Variants in PA2G4 observed in about 807,000 individuals in gnomAD.
PA2G4 encodes the protein proliferation-associated 2G4.
In PA2G4, 8 loss-of-function variants were observed where a neutral mutation model predicts 53.3. That is an observed-to-expected ratio of 0.15 (90% CI 0.09 to 0.27). The LOEUF (loss-of-function observed/expected upper bound fraction) is 0.27, where lower values mean the gene tolerates loss of function less well. Ranked by LOEUF, PA2G4 falls within the 10% of genes least tolerant of loss-of-function variation. The pLI is 1.00. For synonymous variants in PA2G4, 143 were observed against 169.8 expected, an observed-to-expected ratio of 0.84 and a Z score of 1.23; for missense variants, 208 against 486.8, an observed-to-expected ratio of 0.43 and a Z score of 5.39.
chr12:56,109,994 TC>T, intron 7 of PA2G4, 59 bp downstream of exon 7: 1 of 1,168,764 alleles, frequency 8.6e-7, no homozygotes, highest in Non-Finnish European at 1.3e-6. Flanking sequence ...CAGGTTTTTT[TC>T]TATACTCCCA....
At chr12:56,105,635 T>C (rs888998035) in intron 1 of PA2G4, among the ~76,000 whole-genome samples, 2 of 152,240 alleles carry the variant, frequency 1.3e-5, no homozygotes, top group Admixed American at 1.3e-4. Flanking sequence ...CTTGTGAACA[T>C]TACTGGAAAA....
rs777876737 is a variant in PA2G4, at chr12:56,110,549, A to T, written c.709-10A>T. ...CACCAGACCAAATGTTACTTAAATT[A>T]CTCTTTCAGGCCAAGGATGCAGGAC... On this transcript the variant is annotated splice_polypyrimidine_tract_variant and intron_variant, in intron 8 of 12. Coordinates refer to ENST00000303305, the MANE Select transcript of PA2G4 (RefSeq NM_006191.3). 2 of 1,613,948 alleles carry T rather than the reference A, an allele frequency of 1.2e-6. No homozygotes were observed. Among genetic ancestry groups the T allele is most frequent in the East Asian group, 2.2e-5 (1 of 44,874 alleles).
chr12:56,107,476 A>G (rs937681786), intron 4 of PA2G4, 45 bp from the exon 5 acceptor site: 2 of 1,433,492 alleles, frequency 1.4e-6, no homozygotes, highest in Admixed American at 3.4e-5. Flanking sequence ...CAGCTGAGTT[A>G]ACAGACTTTC....
rs758771002 is a variant in PA2G4 at position 56,104,722 on chromosome 12, T to C, written c.-16T>C. 1.4e-5 allele frequency: 22 copies of C among 1,610,212 alleles called. No individual in the cohort carries two copies. The South Asian group carries it at 2.3e-4, about 17-fold the overall frequency. ...CGGCTCAGGGGAAACGAGGCTGCAG[T>C]GGTGGTAGTAGGAAGATGTCGGGCG... On this transcript the variant is annotated 5_prime_UTR_variant, in exon 1 of 13. Coordinates refer to ENST00000303305, the MANE Select transcript of PA2G4 (RefSeq NM_006191.3).
Position 56,106,574 on chromosome 12 carries a change from G to T in PA2G4, c.89-14G>T, listed in dbSNP as rs1163134904. The T allele has an allele frequency of 1.3e-6, 2 of 1,546,226 alleles. No homozygotes were observed. Among genetic ancestry groups the T allele is most frequent in the Non-Finnish European group, 1.7e-6 (2 of 1,155,578 alleles). On this transcript the variant is annotated splice_polypyrimidine_tract_variant and intron_variant, in intron 1 of 12. Coordinates refer to ENST00000303305, the MANE Select transcript of PA2G4 (RefSeq NM_006191.3). ...AATACATACAAGGCTGACATGATGG[G>T]ATTCTGTCCTCAGGGGTACTTCGGT...
chr12:56,108,849 CA>C (rs1303164336), intron 5 of PA2G4, among the ~76,000 whole-genome samples: 1 of 151,910 alleles, frequency 6.6e-6, no homozygotes, highest in African/African-American at 2.4e-5. Flanking sequence ...TCAGTTCTGC[CA>C]GGTGCAATGG....
At chr12:56,109,971 C>T in intron 7 of PA2G4, 36 bp downstream of exon 7, 2 of 1,423,066 alleles carry the variant, frequency 1.4e-6, no homozygotes, top group Non-Finnish European at 2.0e-6. Flanking sequence ...TTCTACCACA[C>T]AAGACTAGTC....
chr12:56,109,577 G>A (rs1482090850), intron 6 of PA2G4, among the ~76,000 whole-genome samples: 11 of 145,096 alleles, frequency 7.6e-5, no homozygotes, highest in Admixed American at 4.2e-4. Context: ...CCAAGATTGC[G>A]CCACTGCACT....
chr12:56,107,412 TC>T, intron 4 of PA2G4, 108 bp from the exon 5 acceptor site: 1 of 992,604 alleles, frequency 1.0e-6, no homozygotes, highest in Non-Finnish European at 1.6e-6. Flanking sequence ...GTTTTTACCC[TC>T]CTGTTCATTG....
chr12:56,109,868 C>T lies in PA2G4; in HGVS notation c.562C>T (p.His188Tyr), dbSNP rs761734734. 8.1e-6 allele frequency: 13 copies of T among 1,612,970 alleles called. No individual in the cohort carries two copies. The Admixed American group carries it at 2.0e-4, about 25-fold the overall frequency. Residue 188 changes from histidine (H) to tyrosine (Y), a missense_variant, in exon 7 of 13, where the codon CAC becomes TAC. This residue lies in a region of PA2G4 where 143 missense variants were observed against 386.8 expected (regional missense o/e 0.37). Coordinates refer to ENST00000303305, the MANE Select transcript of PA2G4 (RefSeq NM_006191.3). The part of the protein sequence containing the change: ...NCTPIEGMLS[H>Y]QLKQHVIDGE... ...TGTACTATCTACAGGTATGCTGTCA[C>T]ACCAGTTGAAGCAGCATGTCATCGA...
Position 56,110,573 on chromosome 12 carries a change from A to T in PA2G4, c.723A>T (p.Gly241=). The T allele has an allele frequency of 1.2e-6, 2 of 1,614,146 alleles. No individual in the cohort carries two copies. The highest frequency in any genetic ancestry group is 1.7e-6 in the Non-Finnish European group (2 of 1,180,014). ...SSGEGKAKDA[G]QRTTIYKRDP... ...TACTCTTTCAGGCCAAGGATGCAGG[A>T]CAGAGAACCACTATTTACAAACGAG... Residue 241 remains glycine (G), a synonymous_variant, in exon 9 of 13, where the codon GGA becomes GGT. Coordinates refer to ENST00000303305, the MANE Select transcript of PA2G4 (RefSeq NM_006191.3).
Position 56,111,214 on chromosome 12 carries a change from C to T in PA2G4, c.970C>T (p.Leu324=). The change falls in exon 11 of 13, where the codon CTG becomes TTG. Residue 324 remains leucine (L), a synonymous_variant. Transcript: ENST00000303305. ...EFVAQFKFTV[L]LMPNGPMRIT... is the part of the protein sequence containing the mutation. ...TGTTGCCCAGTTTAAATTTACAGTT[C>T]TGCTCATGCCCAATGGCCCCATGCG... 1 of 1,614,154 alleles carries T rather than the reference C, an allele frequency of 6.2e-7. No individual in the cohort carries two copies. The highest frequency in any genetic ancestry group is 8.5e-7 in the Non-Finnish European group (1 of 1,180,014).
In PA2G4 at chr12:56,107,155, TC is replaced by T. The variant is rs777316716; in HGVS notation, c.324-30del. The T allele has an allele frequency of 4.4e-6, 7 of 1,605,008 alleles. No individual in the cohort carries two copies. In the East Asian group the frequency reaches 1.6e-4, roughly 36 times the overall value. On this transcript the variant is annotated intron_variant, in intron 3 of 12. Coordinates refer to ENST00000303305, the MANE Select transcript of PA2G4 (RefSeq NM_006191.3). ...TTTAAAGCATTTACAAAATGCCAGT[TC>T]CTAATGCAGTACTCTGATCTTGCCT...
At chr12:56,106,298 G>T in intron 1 of PA2G4, 2 of 257,642 alleles carry the variant, frequency 7.8e-6, no homozygotes, top group Non-Finnish European at 7.3e-6. Context: ...TCTAGTCTTT[G>T]CGTGTATGTG....
In PA2G4 at chr12:56,110,381, T is replaced by A; in HGVS notation, c.630-18T>A. 2 of 1,510,124 alleles carry A rather than the reference T, an allele frequency of 1.3e-6. No individual in the cohort carries two copies. Among genetic ancestry groups the A allele is most frequent in the South Asian group, 2.3e-5 (2 of 88,310 alleles). 93.5% of individuals were successfully genotyped at this position (1,510,124 alleles called of 1,614,324 possible). Reference sequence around the variant, plus strand: ...TGTCAAAAAAAAAAAAAAATTCCTTTCTCTCTATTCCTTTTAGGAAGGACC... The same window carrying A: ...TGTCAAAAAAAAAAAAAAATTCCTTACTCTCTATTCCTTTTAGGAAGGACC... On this transcript the variant is annotated intron_variant, in intron 7 of 12. Transcript: ENST00000303305.
intron 5 of PA2G4, among the ~76,000 whole-genome samples, chr12:56,107,849 T>C (rs1869333414): frequency 6.6e-6 from 1 of 151,302 alleles, no homozygotes; most frequent in Non-Finnish European, 1.5e-5. Flanking sequence ...GGAAACATGG[T>C]GAAACCCCAT....
chr12:56,104,835 G>A lies in PA2G4; in HGVS notation c.88+10G>A, dbSNP rs1308414732. 1 of 1,609,696 alleles carries A rather than the reference G, an allele frequency of 6.2e-7. No homozygotes were observed. The highest frequency in any genetic ancestry group is 8.5e-7 in the Non-Finnish European group (1 of 1,176,384). On this transcript the variant is annotated intron_variant, in intron 1 of 12. Coordinates refer to ENST00000303305, the MANE Select transcript of PA2G4 (RefSeq NM_006191.3). ...GGCGACATCGCCAACAGTGAGTGCG[G>A]CCTCGGGGGTCGGGGAATCAAGGCT...
In PA2G4 at chr12:56,104,592, G is replaced by T. The variant is rs1245199671; in HGVS notation, c.-146G>T. The T allele has an allele frequency of 1.2e-6, 1 of 835,878 alleles. No individual in the cohort carries two copies. The highest frequency in any genetic ancestry group is 1.3e-5 in the South Asian group (1 of 74,250). 51.8% of individuals were successfully genotyped at this position (835,878 alleles called of 1,614,324 possible). A position where few individuals can be genotyped will look rare whatever the true frequency, so the allele number is the denominator to read the frequency against. ...CGCTCGCAGCTTCTCGCTCTCGCCT[G>T]CCTGCCCGCTCCCTTGCTTGCTCGC... On this transcript the variant is annotated 5_prime_UTR_variant, in exon 1 of 13. Transcript: ENST00000303305.
chr12:56,113,192 A>C lies in PA2G4; in HGVS notation c.*304A>C, dbSNP rs953555424. On this transcript the variant is annotated 3_prime_UTR_variant, in exon 13 of 13. Transcript: ENST00000303305. ...GCCCCTCTTTCTAGCCTTTTCTACT[A>C]CTCTCTGCTTGGTCAAGGTTTGTGC... 1 of 243,690 alleles carries C rather than the reference A, an allele frequency of 4.1e-6. No individual in the cohort carries two copies. The highest frequency in any genetic ancestry group is 2.3e-5 in the African/African-American group (1 of 43,392). 15.1% of individuals were successfully genotyped at this position (243,690 alleles called of 1,614,324 possible). A position where few individuals can be genotyped will look rare whatever the true frequency, so the allele number is the denominator to read the frequency against.
Sources: allele counts gnomAD v4.1 joint callset (sites outside exome capture counted in the v4.1 genomes callset), GRCh38; gene constraint gnomAD v4.1.1; regional missense constraint gnomAD v4.1.1; transcripts MANE v1.5; gene names NCBI Gene and HGNC (gene_info 2026-07-23, HGNC 2026-07-21).